MYO7A: variants seen among roughly 807,000 people sequenced by gnomAD.
The protein encoded by MYO7A is unconventional myosin-VIIa.
A neutral mutation model predicts 263.8 loss-of-function variants in MYO7A; 210 were observed. The observed-to-expected ratio is 0.80, with a 90% CI of 0.71 to 0.89. The LOEUF is 0.89. Among genes scored for constraint, MYO7A ranks in the 40% least tolerant of loss-of-function variants. The pLI is 0.00. For missense variants in MYO7A, 2,820 were observed against 2,968.3 expected (o/e 0.95, Z 1.16); for synonymous variants, 1,239 against 1,197.3 (o/e 1.03, Z -0.72).
chr11:77,131,741 G>T (rs1359075326), intron 2 of MYO7A, among the ~76,000 whole-genome samples: 9 of 152,192 alleles, frequency 5.9e-5, no homozygotes, highest in African/African-American at 2.2e-4. Context: ...CCAGCTGTGG[G>T]TGGCCTCTGT....
At chr11:77,151,803 T>C (rs2135757873) in intron 4 of MYO7A, among the ~76,000 whole-genome samples, 1 of 152,352 alleles carries the variant, frequency 6.6e-6, no homozygotes, top group Middle Eastern at 3.4e-3. Flanking sequence ...CAGGGCCTCA[T>C]TGCCAGTGGT....
At position 77,162,280 on chromosome 11, in the gene MYO7A, A is replaced by G. The variant is rs1429900952; in HGVS notation, c.1504A>G (p.Lys502Glu). Residue 502 changes from lysine to glutamate, a missense_variant, in exon 13 of 49, where the codon AAG becomes GAG. Transcript: ENST00000409709. ...NQDALDMIAN[K>E]PMNIISLIDE... ...GGATGCCCTGGACATGATTGCCAAC[A>G]AGCCCATGAACATCATCTCCCTCAT... 6.4e-7 allele frequency: 1 copy of G among 1,553,114 alleles called. No individual in the cohort carries two copies. Among genetic ancestry groups the G allele is most frequent in the Non-Finnish European group, 8.7e-7 (1 of 1,147,846 alleles).
At chr11:77,192,538 C>A (rs1591425904) in intron 31 of MYO7A, among the ~76,000 whole-genome samples, 1 of 151,912 alleles carries the variant, frequency 6.6e-6, no homozygotes, top group South Asian at 2.1e-4. Context: ...GCTGTAGTGA[C>A]TGTGCGTGCT....
intron 16 of MYO7A, among the ~76,000 whole-genome samples, chr11:77,173,854 C>T (rs1954369892): frequency 6.6e-6 from 1 of 152,044 alleles, no homozygotes; most frequent in African/African-American, 2.4e-5. Context: ...CAGAGGGCTC[C>T]AGTGAGCTCT....
Position 77,162,349 on chromosome 11 carries a change from C to T in MYO7A, c.1554+19C>T, listed in dbSNP as rs780042407. 2.3e-5 allele frequency: 36 copies of T among 1,549,878 alleles called. No homozygotes were observed. Among genetic ancestry groups the T allele is most frequent in the Non-Finnish European group, 2.7e-5 (31 of 1,146,096 alleles). On this transcript the variant is annotated intron_variant, in intron 13 of 48. Coordinates refer to ENST00000409709, the MANE Select transcript of MYO7A (RefSeq NM_000260.4). ...CCCCAAGGTGGGCCGGTCCTGCTGC[C>T]GCCTCCCAGGGTCTTGGGTGCGCAC...
At chr11:77,155,530 T>C (rs1952370874) in intron 4 of MYO7A, among the ~76,000 whole-genome samples, 1 of 152,246 alleles carries the variant, frequency 6.6e-6, no homozygotes, top group African/African-American at 2.4e-5. Flanking sequence ...ATACAGGGCC[T>C]GGAGGCGATG....
chr11:77,190,023 C>G lies in MYO7A; in HGVS notation c.3634C>G (p.Leu1212Val), dbSNP rs1423576928. ...FAPSEKFVKY[L>V]RNFIHGGPPG... Reference sequence around the variant, plus strand: ...TCAGCGGGTACTCTGGCTGCAGTACCTGCGGAACTTCATCCACGGGGGCCC... The same window carrying G: ...TCAGCGGGTACTCTGGCTGCAGTACGTGCGGAACTTCATCCACGGGGGCCC... The change falls in exon 29 of 49, where the codon CTG (leucine) becomes GTG (valine). Residue 1212 changes from leucine (L) to valine (V), a missense_variant. Leu to Val is a conservative substitution (Grantham distance 32). Coordinates refer to ENST00000409709, the MANE Select transcript of MYO7A (RefSeq NM_000260.4). 6 of 1,548,800 alleles carry G rather than the reference C, an allele frequency of 3.9e-6. No homozygotes were observed. In the East Asian group the frequency reaches 1.2e-4, roughly 31 times the overall value.
chr11:77,147,334 C>T (rs1323911315), intron 3 of MYO7A, among the ~76,000 whole-genome samples: 1 of 152,200 alleles, frequency 6.6e-6, no homozygotes, highest in Non-Finnish European at 1.5e-5. Flanking sequence ...CAGCTCCCCC[C>T]ATGACTCTCC....
At chr11:77,181,336 C>G in intron 22 of MYO7A, 44 bp from the exon 23 acceptor site, 1 of 1,511,400 alleles carries the variant, frequency 6.6e-7, no homozygotes, top group Non-Finnish European at 8.9e-7. Context: ...GGCTGTGGCA[C>G]CGGGGGCTGA....
At chr11:77,172,047 C>A (rs1055300846) in intron 15 of MYO7A, among the ~76,000 whole-genome samples, 4 of 152,226 alleles carry the variant, frequency 2.6e-5, no homozygotes, top group African/African-American at 9.6e-5. Flanking sequence ...GCCTGCCCCG[C>A]CCCCAGCCTG....
chr11:77,186,053 G>C (rs547453095), intron 27 of MYO7A, among the ~76,000 whole-genome samples: 2 of 152,022 alleles, frequency 1.3e-5, no homozygotes, highest in Admixed American at 6.5e-5. Context: ...CTCCCGAGTG[G>C]CTGGGACTAC....
In MYO7A at chr11:77,198,509, A is replaced by G; in HGVS notation, c.4456A>G (p.Lys1486Glu). The stretch of plus-strand genomic sequence containing the variant: ...TCTCGTCCCAGGCCCCAGTCTCCCC[A>G]AGAACGACGTCATCGTGGCCGTCAA... ...AYKFSGPSLPKNDVIVAVNWT... is the reference protein window; with the variant it reads ...AYKFSGPSLPENDVIVAVNWT... Residue 1486 changes from lysine to glutamate, a missense_variant, in exon 34 of 49, where the codon AAG (lysine) becomes GAG (glutamate). Physicochemically the swap from Lys to Glu is moderately conservative, Grantham distance 56. Coordinates refer to ENST00000409709, the MANE Select transcript of MYO7A (RefSeq NM_000260.4). The G allele has an allele frequency of 6.2e-7, 1 of 1,613,866 alleles. No individual in the cohort carries two copies. The highest frequency in any genetic ancestry group is 8.5e-7 in the Non-Finnish European group (1 of 1,179,870).
chr11:77,211,136 GCTCTGT>G lies in MYO7A; in HGVS notation c.6052-10_6052-5del, dbSNP rs768569493. The G allele has an allele frequency of 2.6e-6, 4 of 1,554,318 alleles. No individual in the cohort carries two copies. The highest frequency in any genetic ancestry group is 2.6e-6 in the Non-Finnish European group (3 of 1,146,568). ...CCAGGTCCCTGCACGCCTGTGACCTGCTCTGTCTCTGACAGGAGTTGCCCAAGTATC... is the reference window on the plus strand; with the variant it reads ...CCAGGTCCCTGCACGCCTGTGACCTGCTCTGACAGGAGTTGCCCAAGTATC... On this transcript the variant is annotated splice_polypyrimidine_tract_variant and intron_variant, in intron 44 of 48. Transcript: ENST00000409709.
intron 36 of MYO7A, among the ~76,000 whole-genome samples, chr11:77,201,957 T>A (rs1957091600): frequency 6.6e-6 from 1 of 151,936 alleles, no homozygotes; most frequent in Non-Finnish European, 1.5e-5. Flanking sequence ...GGAGCCCCCT[T>A]GAGAGCAGCT....
intron 5 of MYO7A, among the ~76,000 whole-genome samples, 166 bp from the exon 6 acceptor site, chr11:77,156,494 C>T (rs565446644): frequency 1.1e-4 from 17 of 152,306 alleles, no homozygotes; most frequent in South Asian, 1.0e-3. Context: ...AAGGAGAGTG[C>T]GGTGGAGCAC....
At chr11:77,164,561 A>G (rs1480496444) in intron 14 of MYO7A, among the ~76,000 whole-genome samples, 1 of 152,200 alleles carries the variant, frequency 6.6e-6, no homozygotes, top group South Asian at 2.1e-4. Flanking sequence ...ATTCCCTTAC[A>G]ATATTGGACT....
intron 14 of MYO7A, among the ~76,000 whole-genome samples, chr11:77,163,809 A>T (rs1173571967): frequency 7.8e-6 from 1 of 127,984 alleles, no homozygotes; most frequent in Non-Finnish European, 1.6e-5. Flanking sequence ...CCTTTTGTTT[A>T]TCCATTTATC....
At chr11:77,159,197 C>G (rs922637318) in intron 9 of MYO7A, among the ~76,000 whole-genome samples, 1 of 152,216 alleles carries the variant, frequency 6.6e-6, no homozygotes, top group Non-Finnish European at 1.5e-5. Flanking sequence ...GTCTATTCCT[C>G]GAATGCCAGG....
chr11:77,164,452 T>A (rs543720121), intron 14 of MYO7A, among the ~76,000 whole-genome samples: 1 of 152,296 alleles, frequency 6.6e-6, no homozygotes, highest in South Asian at 2.1e-4. Context: ...CCAAACATGC[T>A]ATAACCCATC....
Sources: gnomAD v4.1 joint callset for allele counts (sites outside exome capture counted in the v4.1 genomes callset) on GRCh38, gnomAD v4.1.1 for gene constraint, MANE v1.5 for transcripts, NCBI Gene and HGNC (gene_info 2026-07-23, HGNC 2026-07-21) for gene names.